The following NUP188 variants were observed in gnomAD, a reference collection of about 807,000 sequenced individuals.
The protein encoded by NUP188 is nucleoporin NUP188.
Under a neutral mutation model 223.0 loss-of-function variants are expected in NUP188, and 97 were observed. The ratio of observed to expected loss-of-function variants is 0.43; its 90% CI spans 0.37 to 0.51. The LOEUF is 0.51. Ranked by LOEUF, NUP188 falls within the 20% of genes least tolerant of loss-of-function variation. NUP188 has a pLI of 0.00. For synonymous variants in NUP188, 869 were observed against 828.0 expected (o/e 1.05, Z -0.85); for missense variants, 1,947 against 2,175.6 (o/e 0.89, Z 2.09).
chr9:128,996,149 A>ATT (rs879374754), intron 30 of NUP188, among the ~76,000 whole-genome samples: 4 of 142,962 alleles, frequency 2.8e-5, no homozygotes, highest in Non-Finnish European at 6.2e-5. Context: ...ATCCAGATTA[A>ATT]TTTTTTTTTT....
intron 16 of NUP188, 71 bp from the exon 17 acceptor site, chr9:128,982,831 G>A: frequency 6.3e-7 from 1 of 1,597,620 alleles, no homozygotes; most frequent in Non-Finnish European, 8.6e-7. Flanking sequence ...TGTGTATCTG[G>A]GTCTCAGAGA....
intron 19 of NUP188, among the ~76,000 whole-genome samples, chr9:128,984,124 A>ATTTTTTTTTTATTTTTTTTT (rs1842296655): frequency 1.1e-5 from 1 of 93,070 alleles, no homozygotes; most frequent in African/African-American, 5.9e-5. Flanking sequence ...GCCTGGCCTG[A>ATTTTTTTTTTATTTTTTTTT]TTTTTTTTTT....
chr9:128,962,615 C>T (rs1002725469), intron 8 of NUP188, among the ~76,000 whole-genome samples: 2 of 152,012 alleles, frequency 1.3e-5, no homozygotes, highest in African/African-American at 4.8e-5. Flanking sequence ...GCCAAGATCA[C>T]ACCACTTGCA....
chr9:129,006,468 G>GCTGAGC (rs1842809816), intron 43 of NUP188, 34 bp from the exon 44 acceptor site: 1 of 1,611,916 alleles, frequency 6.2e-7, no homozygotes, highest in African/African-American at 1.3e-5. Flanking sequence ...AGCCAGATGT[G>GCTGAGC]CTGAGCCTCA....
In NUP188 at chr9:128,998,545, T is replaced by C. The variant is rs754310168; in HGVS notation, c.3437T>C (p.Val1146Ala). 1.2e-6 allele frequency: 2 copies of C among 1,614,028 alleles called. No homozygotes were observed. Among genetic ancestry groups the C allele is most frequent in the South Asian group, 2.2e-5 (2 of 91,082 alleles). ...TGTGCTGTCTCCTTTCAGCTCCTAG[T>C]TCCAGCCTCAGTGAACTGCCTTCGC... The part of the protein sequence containing the change: ...VLDGTKALLL[V>A]PASVNCLRLG... The change falls in exon 32 of 44, where the codon GTT (valine) becomes GCT (alanine). Residue 1146 changes from valine to alanine, a missense_variant. Coordinates refer to ENST00000372577, the MANE Select transcript of NUP188 (RefSeq NM_015354.3).
At chr9:128,973,932 GC>G (rs1355078262) in intron 12 of NUP188, among the ~76,000 whole-genome samples, 1 of 151,302 alleles carries the variant, frequency 6.6e-6, no homozygotes, top group African/African-American at 2.4e-5. Flanking sequence ...TTTTTTTGAG[GC>G]GGAGTCTTGC....
At chr9:128,967,243 C>T (rs1842042210) in intron 8 of NUP188, among the ~76,000 whole-genome samples, 1 of 152,134 alleles carries the variant, frequency 6.6e-6, no homozygotes, top group South Asian at 2.1e-4. Context: ...CTCCAGGCCT[C>T]AAACAGTCCT....
intron 25 of NUP188, among the ~76,000 whole-genome samples, chr9:128,991,331 G>C (rs764919248): frequency 6.6e-6 from 1 of 151,750 alleles, no homozygotes; most frequent in Non-Finnish European, 1.5e-5. Flanking sequence ...TGAGGTCAGG[G>C]GTTCAAGACC....
intron 38 of NUP188, chr9:129,004,772 G>A (rs1219063660): frequency 1.4e-5 from 3 of 216,048 alleles, no homozygotes; most frequent in Admixed American, 5.2e-5. Context: ...AAAAGTGCTG[G>A]GATTACAGGC....
chr9:128,979,326 C>G lies in NUP188; in HGVS notation c.1268C>G (p.Thr423Arg). The G allele has an allele frequency of 6.2e-7, 1 of 1,607,738 alleles. No individual in the cohort carries two copies. Among genetic ancestry groups the G allele is most frequent in the Non-Finnish European group, 8.5e-7 (1 of 1,174,888 alleles). ...DPSLPELFWG[T>R]EPTSGLGIIL... ...TCTCTTCCGGAACTGTTCTGGGGAA[C>G]AGTAAGTATGTCAGAGAGAGTCACT... is the stretch of plus-strand genomic sequence containing the variant. The change falls in exon 13 of 44, where the codon ACA (threonine) becomes AGA (arginine). Residue 423 changes from threonine to arginine, a missense_variant and splice_region_variant. This residue lies in a region of NUP188 where 817 missense variants were observed against 865.8 expected (regional missense o/e 0.94). Coordinates refer to ENST00000372577, the MANE Select transcript of NUP188 (RefSeq NM_015354.3).
At chr9:128,950,308 G>A (rs1167016921) in intron 2 of NUP188, among the ~76,000 whole-genome samples, 3 of 152,068 alleles carry the variant, frequency 2.0e-5, no homozygotes, top group Non-Finnish European at 2.9e-5. Flanking sequence ...TGCAACCTCT[G>A]TCTCCTGGGT....
intron 3 of NUP188, among the ~76,000 whole-genome samples, chr9:128,953,839 T>C (rs1019957195): frequency 3.3e-5 from 5 of 152,074 alleles, no homozygotes; most frequent in African/African-American, 7.2e-5. Flanking sequence ...TCTGTTCTTT[T>C]TTTTTTTTTG....
intron 3 of NUP188, among the ~76,000 whole-genome samples, chr9:128,954,364 GC>G (rs1310244531): frequency 1.4e-5 from 2 of 141,886 alleles, no homozygotes; most frequent in African/African-American, 5.3e-5. Flanking sequence ...ACAGGCGCCC[GC>G]TGTGACAATG....
intron 30 of NUP188, among the ~76,000 whole-genome samples, chr9:128,996,089 C>T (rs138737032): frequency 5.1e-4 from 78 of 151,986 alleles, no homozygotes; most frequent in African/African-American, 1.7e-3. Context: ...GGTTTGACTC[C>T]GTCACGCTGT....
At chr9:128,990,271 T>G in intron 25 of NUP188, 45 bp downstream of exon 25, 1 of 1,454,936 alleles carries the variant, frequency 6.9e-7, no homozygotes, top group Non-Finnish European at 9.7e-7. Context: ...ATGAGGGTGT[T>G]TTTTTCCCCC....
At chr9:128,952,184 T>G (rs534421056) in intron 2 of NUP188, among the ~76,000 whole-genome samples, 277 of 151,298 alleles carry the variant, frequency 1.8e-3, no homozygotes, top group African/African-American at 6.5e-3. Context: ...AGATCACGAG[T>G]TCAGGAGTTC....
intron 28 of NUP188, 23 bp downstream of exon 28, chr9:128,994,465 A>G: frequency 6.4e-7 from 1 of 1,570,250 alleles, no homozygotes; most frequent in Non-Finnish European, 8.8e-7. Context: ...AGAGGGCAGG[A>G]TGGTGGCTAC....
At chr9:128,962,662 A>G (rs1452980001) in intron 8 of NUP188, among the ~76,000 whole-genome samples, 2 of 152,056 alleles carry the variant, frequency 1.3e-5, no homozygotes, top group Non-Finnish European at 2.9e-5. Flanking sequence ...TCTGTCTCAA[A>G]AAAAATTCAT....
intron 12 of NUP188, among the ~76,000 whole-genome samples, chr9:128,973,635 G>A (rs567232629): frequency 5.3e-5 from 8 of 152,066 alleles, no homozygotes; most frequent in Admixed American, 2.0e-4. Context: ...CGCCTGCCTC[G>A]GCCTCCCAAA....
Sources: allele counts gnomAD v4.1 joint callset (sites outside exome capture counted in the v4.1 genomes callset), GRCh38; gene constraint gnomAD v4.1.1; regional missense constraint gnomAD v4.1.1; transcripts MANE v1.5; gene names NCBI Gene and HGNC (gene_info 2026-07-23, HGNC 2026-07-21).